WNK2: variants seen among roughly 807,000 people sequenced by gnomAD.
The protein encoded by WNK2 is serine/threonine-protein kinase WNK2.
Under a neutral mutation model 192.1 loss-of-function variants are expected in WNK2, and 67 were observed. That is an observed-to-expected ratio of 0.35 (90% CI 0.29 to 0.43). The LOEUF (loss-of-function observed/expected upper bound fraction) is 0.43. Among genes scored for constraint, WNK2 ranks in the 20% least tolerant of loss-of-function variants. The pLI, the probability that WNK2 is intolerant of heterozygous loss-of-function variation, is 1.00. For missense variants in WNK2, 2,698 were observed against 3,089.7 expected (o/e 0.87, Z 3.01); for synonymous variants, 1,439 against 1,393.9 (o/e 1.03, Z -0.72).
chr9:93,218,741 G>T (rs1005305903), intron 2 of WNK2, among the ~76,000 whole-genome samples: 1 of 152,230 alleles, frequency 6.6e-6, no homozygotes, highest in African/African-American at 2.4e-5. Context: ...ACAGCTGCCT[G>T]TCCATGTTGG....
At chr9:93,261,140 G>T (rs1564113789) in intron 12 of WNK2, among the ~76,000 whole-genome samples, 1 of 152,196 alleles carries the variant, frequency 6.6e-6, no homozygotes, top group Admixed American at 6.5e-5. Flanking sequence ...TTCTGACCCT[G>T]CCACTGGCTG....
intron 23 of WNK2, among the ~76,000 whole-genome samples, chr9:93,296,812 T>C (rs116515559): frequency 0.075 from 3,796 of 50,686 alleles, 158 homozygotes; most frequent in African/African-American, 0.14. Flanking sequence ...CACCTTTCTC[T>C]CCTCTCCATT....
At chr9:93,207,166 G>A (rs1305843690) in intron 2 of WNK2, among the ~76,000 whole-genome samples, 3 of 152,156 alleles carry the variant, frequency 2.0e-5, no homozygotes, top group Non-Finnish European at 4.4e-5. Context: ...TTGTTAACCC[G>A]TTATCATGGG....
rs140279530 is a variant in WNK2 at position 93,228,503 on chromosome 9, C to T, written c.682-1193C>T. On this transcript the variant is annotated intron_variant, in intron 2 of 29. Transcript: ENST00000427277. ...GTTTAGTTATGTTTCTGGTTTCCTTCGGAAAATACACGTTTCTTTTCTGAC... is the reference window on the plus strand; with the variant it reads ...GTTTAGTTATGTTTCTGGTTTCCTTTGGAAAATACACGTTTCTTTTCTGAC... Among the ~76,000 whole-genome samples the T allele has an allele frequency of 1.0e-3, 152 of 152,296 alleles. 1 individual carries two copies. The highest frequency in any genetic ancestry group is 3.4e-3 in the Middle Eastern group (1 of 294).
chr9:93,208,568 CGTGT>C (rs1397815397), intron 2 of WNK2, among the ~76,000 whole-genome samples: 1 of 140,518 alleles, frequency 7.1e-6, no homozygotes, highest in East Asian at 2.1e-4. Flanking sequence ...GTTTTGCACA[CGTGT>C]GTATTTGGTG....
At chr9:93,291,101 C>T (rs563615282) in intron 21 of WNK2, among the ~76,000 whole-genome samples, 1 of 152,310 alleles carries the variant, frequency 6.6e-6, no homozygotes, top group Admixed American at 6.5e-5. Flanking sequence ...GCTGTGCACG[C>T]AGAGAACTGG....
In WNK2 at chr9:93,259,518, T is replaced by C. The variant is rs761312632; in HGVS notation, c.2970T>C (p.Pro990=). ...CGCAACCCATGCTGCCCCCACAACCTGTGCTGCCCCCGCAGCCGGCACTGC... is the reference window on the plus strand; with the variant it reads ...CGCAACCCATGCTGCCCCCACAACCCGTGCTGCCCCCGCAGCCGGCACTGC... ...LPPQPMLPPQ[P]VLPPQPALPV... is the part of the protein sequence containing the mutation. The change falls in exon 12 of 30, where the codon CCT becomes CCC. Residue 990 remains proline (P), a synonymous_variant. Coordinates refer to ENST00000427277, the MANE Select transcript of WNK2 (RefSeq NM_006648.4). The surrounding 1 kb of genome is among the most constrained non-coding windows in gnomAD (Gnocchi z 4.8). 4 of 1,427,044 alleles carry C rather than the reference T, an allele frequency of 2.8e-6. No homozygotes were observed. Among genetic ancestry groups the C allele is most frequent in the East Asian group, 5.8e-5 (2 of 34,296 alleles). The allele number at this position is 1,427,044 out of a possible 1,614,324, so 88.4% of individuals were successfully genotyped here.
In WNK2 at chr9:93,185,101, G is replaced by A; in HGVS notation, c.172G>A (p.Glu58Lys). Residue 58 changes from glutamate to lysine, a missense_variant, in exon 2 of 30, where the codon GAG becomes AAG. By Grantham distance (56) the Glu-to-Lys change is moderately conservative. Coordinates refer to ENST00000427277, the MANE Select transcript of WNK2 (RefSeq NM_006648.4). ...GGACCAGGAGGAGCCGCCGGGCTTG[G>A]AGGCAGCCGAGGCGCCGGGCCCGCA... Reference protein sequence around the residue: ...ESDQEEPPGLEAAEAPGPQPP... With the variant: ...ESDQEEPPGLKAAEAPGPQPP... The A allele has an allele frequency of 7.6e-7, 1 of 1,312,660 alleles. No homozygotes were observed. The highest frequency in any genetic ancestry group is 3.2e-5 in the Admixed American group (1 of 31,636). 81.3% of individuals were successfully genotyped at this position (1,312,660 alleles called of 1,614,324 possible).
chr9:93,227,760 G>C (rs995836453), intron 2 of WNK2, among the ~76,000 whole-genome samples: 1 of 148,662 alleles, frequency 6.7e-6, no homozygotes, highest in Non-Finnish European at 1.5e-5. Flanking sequence ...TCAGCCTCCC[G>C]AGTAGCTGGG....
intron 19 of WNK2, among the ~76,000 whole-genome samples, chr9:93,284,811 C>A (rs1848220712): frequency 6.6e-6 from 1 of 152,194 alleles, no homozygotes; most frequent in South Asian, 2.1e-4. Context: ...ATGGTGGTGT[C>A]ACAAACACTT....
intron 2 of WNK2, among the ~76,000 whole-genome samples, chr9:93,208,584 G>A (rs908498292): frequency 1.2e-5 from 1 of 86,120 alleles, no homozygotes; most frequent in Non-Finnish European, 2.6e-5. Flanking sequence ...TATTTGGTGT[G>A]TTCTTCATGT....
At chr9:93,310,232 G>A (rs1853398132) in intron 28 of WNK2, among the ~76,000 whole-genome samples, 1 of 152,138 alleles carries the variant, frequency 6.6e-6, no homozygotes, top group Non-Finnish European at 1.5e-5. Flanking sequence ...TTTATTCTCA[G>A]TGGAACCCCA....
intron 2 of WNK2, among the ~76,000 whole-genome samples, chr9:93,188,147 T>C (rs532264646): frequency 1.3e-5 from 2 of 152,238 alleles, no homozygotes; most frequent in African/African-American, 4.8e-5. Context: ...TTGGAATTGC[T>C]CTTGGCCTCT....
intron 19 of WNK2, among the ~76,000 whole-genome samples, chr9:93,272,738 C>CAAAATAAAAAAAAAAAAAAAAAAAA (rs1846185205): frequency 1.1e-5 from 1 of 90,802 alleles, no homozygotes; most frequent in African/African-American, 5.2e-5. Flanking sequence ...AACTCCGTCT[C>CAAAATAAAAAAAAAAAAAAAAAAAA]AAAAAAAAAA....
intron 7 of WNK2, among the ~76,000 whole-genome samples, chr9:93,240,457 C>T (rs979261241): frequency 5.3e-5 from 8 of 152,162 alleles, no homozygotes; most frequent in African/African-American, 1.4e-4. Flanking sequence ...GGTACCTTTC[C>T]GCCTCTTCTC....
At chr9:93,255,109 C>G (rs1843098013) in intron 9 of WNK2, among the ~76,000 whole-genome samples, 1 of 152,202 alleles carries the variant, frequency 6.6e-6, no homozygotes. Flanking sequence ...GGGCCTGAGT[C>G]TCAGTCTTCC....
intron 4 of WNK2, among the ~76,000 whole-genome samples, chr9:93,233,099 G>A (rs1434797053): frequency 2.0e-5 from 3 of 151,654 alleles, no homozygotes; most frequent in Non-Finnish European, 4.4e-5. Context: ...TTGGGAGGCT[G>A]AGGTGGGAGG....
intron 7 of WNK2, among the ~76,000 whole-genome samples, chr9:93,246,354 T>G (rs1244349304): frequency 6.6e-6 from 1 of 152,152 alleles, no homozygotes; most frequent in Non-Finnish European, 1.5e-5. Context: ...CTCTGCATGC[T>G]CCTTGCTGTG....
intron 2 of WNK2, among the ~76,000 whole-genome samples, chr9:93,198,464 G>T (rs141214766): frequency 6.6e-6 from 1 of 152,318 alleles, no homozygotes; most frequent in Non-Finnish European, 1.5e-5. Context: ...CCGGTAGGGC[G>T]TAGGGGCAGG....
Sources: allele counts gnomAD v4.1 joint callset (sites outside exome capture counted in the v4.1 genomes callset), GRCh38; gene constraint gnomAD v4.1.1; non-coding constraint Gnocchi (gnomAD v3.1); transcripts MANE v1.5; gene names NCBI Gene and HGNC (gene_info 2026-07-23, HGNC 2026-07-21).